Variants in ARMH3 observed in about 807,000 individuals in gnomAD.
The protein encoded by ARMH3 is armadillo-like helical domain-containing protein 3.
A neutral mutation model predicts 99.1 loss-of-function variants in ARMH3; 60 were observed. The observed-to-expected ratio is 0.61, with a 90% CI of 0.49 to 0.75. The LOEUF is 0.75. Among genes scored for constraint, ARMH3 ranks in the 30% least tolerant of loss-of-function variants. The probability of loss-of-function intolerance (pLI) is 0.00; values close to 1 mark genes in which losing one functional copy is unlikely to be tolerated. For synonymous variants in ARMH3, 285 were observed against 292.8 expected (o/e 0.97, Z 0.27); for missense variants, 679 against 843.1 (o/e 0.81, Z 2.41).
intron 1 of ARMH3, among the ~76,000 whole-genome samples, chr10:102,049,329 G>A (rs2067635037): frequency 6.6e-6 from 1 of 152,104 alleles, no homozygotes. Context: ...ATCACTTGAG[G>A]TCAGGAGTTC....
intron 23 of ARMH3, among the ~76,000 whole-genome samples, chr10:101,919,021 T>C (rs1385385857): frequency 2.6e-5 from 4 of 152,338 alleles, no homozygotes; most frequent in East Asian, 1.9e-4. Flanking sequence ...GATAATTAAA[T>C]GACTTGTGAA....
chr10:101,875,373 G>T (rs1353008771), intron 24 of ARMH3, among the ~76,000 whole-genome samples: 7 of 151,966 alleles, frequency 4.6e-5, no homozygotes, highest in Non-Finnish European at 8.8e-5. Flanking sequence ...CTCTCTCCAG[G>T]GTACAAACAC....
chr10:102,009,496 G>C (rs755602451), intron 12 of ARMH3, 47 bp from the exon 13 acceptor site: 1 of 1,437,054 alleles, frequency 7.0e-7, no homozygotes, highest in Non-Finnish European at 9.8e-7. Context: ...AGTGGGGGGA[G>C]TTAAAACAGT....
In ARMH3 at chr10:101,957,736, T is replaced by TAAAA; in HGVS notation, c.1496-8_1496-5dup. ...AACTTCAGCAAATTTATCAAGGCTTTAAAAAAAAAAAAAAAGACATCAACA... is the reference window on the plus strand; with the variant it reads ...AACTTCAGCAAATTTATCAAGGCTTTAAAAAAAAAAAAAAAAAAAGACATCAACA... On this transcript the variant is annotated splice_region_variant and splice_polypyrimidine_tract_variant and intron_variant, in intron 20 of 25. Coordinates refer to ENST00000370033, the MANE Select transcript of ARMH3 (RefSeq NM_024541.3). The TAAAA allele has an allele frequency of 5.6e-6, 8 of 1,431,372 alleles. No individual in the cohort carries two copies. The highest frequency in any genetic ancestry group is 2.2e-4 in the Middle Eastern group (1 of 4,550). The allele number at this position is 1,431,372 out of a possible 1,614,324, so 88.7% of individuals were successfully genotyped here.
chr10:101,864,347 G>T (rs2066949398), intron 24 of ARMH3, among the ~76,000 whole-genome samples: 1 of 152,112 alleles, frequency 6.6e-6, no homozygotes, highest in Non-Finnish European at 1.5e-5. Flanking sequence ...ATTCCCTAAG[G>T]ATCTAGAACA....
intron 19 of ARMH3, among the ~76,000 whole-genome samples, chr10:101,981,482 C>A (rs1162565441): frequency 6.6e-6 from 1 of 152,044 alleles, no homozygotes; most frequent in Non-Finnish European, 1.5e-5. Flanking sequence ...AAACAAAATG[C>A]CTAACAACGT....
At chr10:101,974,928 C>A (rs2135921471) in intron 20 of ARMH3, among the ~76,000 whole-genome samples, 1 of 150,780 alleles carries the variant, frequency 6.6e-6, no homozygotes, top group Non-Finnish European at 1.5e-5. Flanking sequence ...TATTGGAACA[C>A]AAGAAATACT....
intron 1 of ARMH3, among the ~76,000 whole-genome samples, chr10:102,050,379 T>G (rs1239321775): frequency 6.7e-6 from 1 of 148,520 alleles, no homozygotes; most frequent in African/African-American, 2.5e-5. Context: ...ACCCGAGAGG[T>G]GGAGCTTGCA....
chr10:101,882,170 T>G (rs1170553978), intron 24 of ARMH3, among the ~76,000 whole-genome samples: 4 of 152,160 alleles, frequency 2.6e-5, no homozygotes, highest in Non-Finnish European at 5.9e-5. Flanking sequence ...GGCCAATAAT[T>G]TACTTGCTTT....
At chr10:101,928,903 G>T (rs778802159) in intron 23 of ARMH3, among the ~76,000 whole-genome samples, 1 of 151,976 alleles carries the variant, frequency 6.6e-6, no homozygotes, top group Non-Finnish European at 1.5e-5. Context: ...GCTAATTTTC[G>T]TATTTTTAGT....
intron 11 of ARMH3, among the ~76,000 whole-genome samples, chr10:102,011,114 T>C (rs1037519399): frequency 2.0e-5 from 3 of 152,316 alleles, no homozygotes; most frequent in Non-Finnish European, 4.4e-5. Context: ...CCAGATTATC[T>C]GGTACCAAAT....
In ARMH3 at chr10:101,847,379, A is replaced by G. The variant is rs913740128; in HGVS notation, c.*149T>C. The G allele has an allele frequency of 5.4e-6, 4 of 738,824 alleles. No homozygotes were observed. The highest frequency in any genetic ancestry group is 9.2e-6 in the Non-Finnish European group (4 of 435,102). The allele number at this position is 738,824 out of a possible 1,614,324, so 45.8% of individuals were successfully genotyped here. A position where few individuals can be genotyped will look rare whatever the true frequency, so the allele number is the denominator to read the frequency against. ...TTGACCCTCCTGCCCCTGCTGCCCA[A>G]GCTCCATTGAAGTGCGGTCTTCACC... is the stretch of plus-strand genomic sequence containing the variant. On this transcript the variant is annotated 3_prime_UTR_variant, in exon 26 of 26. Transcript: ENST00000370033.
chr10:101,995,244 A>G, intron 16 of ARMH3, 53 bp downstream of exon 16: 1 of 1,485,008 alleles, frequency 6.7e-7, no homozygotes, highest in Admixed American at 1.8e-5. Flanking sequence ...GAGGCAGGGA[A>G]AGATAGCACT....
chr10:101,876,871 A>G (rs1394201378), intron 24 of ARMH3, among the ~76,000 whole-genome samples: 1 of 152,202 alleles, frequency 6.6e-6, no homozygotes, highest in Non-Finnish European at 1.5e-5. Flanking sequence ...TTCTTGGGTT[A>G]AACCAAGAAA....
chr10:101,850,090 CTTTTTTTTTT>C (rs754571008), intron 24 of ARMH3, among the ~76,000 whole-genome samples, 198 bp from the exon 25 acceptor site: 1 of 91,306 alleles, frequency 1.1e-5, no homozygotes, highest in South Asian at 4.3e-4. Flanking sequence ...CTCTCTCTCT[CTTTTTTTTTT>C]TTTTTTTTTT....
chr10:102,012,779 C>T (rs2136116830), intron 10 of ARMH3, 54 bp downstream of exon 10: 1 of 1,526,614 alleles, frequency 6.6e-7, no homozygotes, highest in South Asian at 1.2e-5. Context: ...AAAACTCTAA[C>T]AACCAATTCA....
chr10:101,914,477 G>C (rs1401956303), intron 23 of ARMH3, among the ~76,000 whole-genome samples: 1 of 137,688 alleles, frequency 7.3e-6, no homozygotes, highest in African/African-American at 2.8e-5. Context: ...CACAGAGCGA[G>C]ACTCTGTCTC....
intron 1 of ARMH3, among the ~76,000 whole-genome samples, chr10:102,055,520 T>C (rs567954335): frequency 6.6e-6 from 1 of 152,234 alleles, no homozygotes; most frequent in Admixed American, 6.5e-5. Flanking sequence ...ACAGGTTCCT[T>C]TCCTGGGCTC....
chr10:101,990,699 T>G, intron 18 of ARMH3, 88 bp from the exon 19 acceptor site: 4 of 970,124 alleles, frequency 4.1e-6, no homozygotes, highest in Non-Finnish European at 6.6e-6. Context: ...TGAGTACACC[T>G]TGCACTCACA....
Sources: gnomAD v4.1 joint callset for allele counts (sites outside exome capture counted in the v4.1 genomes callset) on GRCh38, gnomAD v4.1.1 for gene constraint, MANE v1.5 for transcripts, NCBI Gene and HGNC (gene_info 2026-07-23, HGNC 2026-07-21) for gene names.